The following RADIL variants were observed in gnomAD, a reference collection of about 807,000 sequenced individuals.
RADIL encodes Rap associating with DIL domain.
In RADIL, 99 loss-of-function variants were observed where a neutral mutation model predicts 97.6. The observed-to-expected ratio is 1.01, with a 90% CI of 0.86 to 1.20. The LOEUF is 1.20. Ranked by LOEUF, RADIL falls within the 50% of genes most tolerant of loss-of-function variation. RADIL has a pLI of 0.00. For synonymous variants in RADIL, 803 were observed against 691.8 expected, an observed-to-expected ratio of 1.16 and a Z score of -2.52; for missense variants, 1,765 against 1,498.9, an observed-to-expected ratio of 1.18 and a Z score of -2.93.
chr7:4,869,463 A>G (rs1012374074), intron 2 of RADIL, among the ~76,000 whole-genome samples: 1 of 152,002 alleles, frequency 6.6e-6, no homozygotes. Context: ...TCTTTATGAA[A>G]TCTTTCATTT....
chr7:4,860,503 T>G (rs1232396380), intron 2 of RADIL: 5 of 1,614,170 alleles, frequency 3.1e-6, no homozygotes, highest in Non-Finnish European at 3.4e-6. Flanking sequence ...TCACCCACAT[T>G]GTACGAAATT....
At chr7:4,804,399 C>G (rs558801145) in intron 10 of RADIL, among the ~76,000 whole-genome samples, 1 of 152,364 alleles carries the variant, frequency 6.6e-6, no homozygotes, top group Admixed American at 6.5e-5. Flanking sequence ...AAGGCCCCAT[C>G]GCCTCTGCGC....
intron 2 of RADIL, chr7:4,861,768 C>A (rs1418463069): frequency 6.7e-7 from 1 of 1,487,444 alleles, no homozygotes; most frequent in Admixed American, 2.5e-5. Flanking sequence ...GGCGGCGGCG[C>A]CGGCTGCGGT....
intron 2 of RADIL, among the ~76,000 whole-genome samples, chr7:4,870,055 G>A (rs968538512): frequency 1.1e-4 from 16 of 152,172 alleles, no homozygotes; most frequent in Admixed American, 2.0e-4. Flanking sequence ...TGGGAGGATC[G>A]CTTGGGCCCA....
chr7:4,881,968 C>T (rs1045333279), intron 1 of RADIL: 2 of 151,758 alleles, frequency 1.3e-5, no homozygotes, highest in Non-Finnish European at 2.9e-5. Context: ...CTGCTTTTCC[C>T]ACAGTTTCCG....
intron 9 of RADIL, among the ~76,000 whole-genome samples, chr7:4,812,292 T>A (rs1420304198): frequency 6.6e-6 from 1 of 152,242 alleles, no homozygotes; most frequent in Non-Finnish European, 1.5e-5. Context: ...TTGTCAAATT[T>A]ATCAGCAAAA....
chr7:4,830,497 T>TC (rs1783109172), intron 5 of RADIL, among the ~76,000 whole-genome samples: 1 of 152,086 alleles, frequency 6.6e-6, no homozygotes, highest in Non-Finnish European at 1.5e-5. Flanking sequence ...GCTGCGCCTT[T>TC]CCCTGAAGGA....
intron 2 of RADIL, among the ~76,000 whole-genome samples, chr7:4,843,676 C>T (rs1368534473): frequency 6.6e-6 from 1 of 152,134 alleles, no homozygotes; most frequent in South Asian, 2.1e-4. Flanking sequence ...CTTTGGGAGG[C>T]TGAGGCAGGT....
chr7:4,826,980 G>A (rs886482364), intron 5 of RADIL, among the ~76,000 whole-genome samples: 4 of 152,096 alleles, frequency 2.6e-5, no homozygotes, highest in Admixed American at 2.6e-4. Context: ...TTCCATGGAC[G>A]GGCATGGAAA....
At chr7:4,833,803 G>A (rs980373562) in intron 4 of RADIL, among the ~76,000 whole-genome samples, 5 of 151,568 alleles carry the variant, frequency 3.3e-5, no homozygotes, top group Non-Finnish European at 1.5e-5. Flanking sequence ...CCAGCGGGGG[G>A]CCATGACTGT....
At position 4,877,731 on chromosome 7, in the gene RADIL, T is replaced by C; in HGVS notation, c.409A>G (p.Ser137Gly). 1 of 1,614,046 alleles carries C rather than the reference T, an allele frequency of 6.2e-7. No homozygotes were observed. The highest frequency in any genetic ancestry group is 8.5e-7 in the Non-Finnish European group (1 of 1,180,034). Residue 137 changes from serine to glycine, a missense_variant, in exon 2 of 15, where the codon AGT becomes GGT. Coordinates refer to ENST00000399583, the MANE Select transcript of RADIL (RefSeq NM_018059.5). ...TCCTGGATCAAGAGGGGCTTCTCAC[T>C]GTCCCCAAACACCCGAAAGCACCGG... Reference protein sequence around the residue: ...QARCFRVFGDSEKPLLIQELW... With the variant: ...QARCFRVFGDGEKPLLIQELW...
At chr7:4,810,726 G>C (rs1562431436) in intron 9 of RADIL, among the ~76,000 whole-genome samples, 1 of 152,248 alleles carries the variant, frequency 6.6e-6, no homozygotes, top group South Asian at 2.1e-4. Context: ...GCTTTCCAAA[G>C]TGGCGAGCCT....
intron 5 of RADIL, among the ~76,000 whole-genome samples, chr7:4,823,614 C>T (rs914809315): frequency 6.6e-6 from 1 of 152,192 alleles, no homozygotes; most frequent in Non-Finnish European, 1.5e-5. Context: ...CTCAGTGCTC[C>T]CTTTTCAGGG....
At chr7:4,825,662 G>A (rs1010074620) in intron 5 of RADIL, among the ~76,000 whole-genome samples, 1 of 150,568 alleles carries the variant, frequency 6.6e-6, no homozygotes, top group Non-Finnish European at 1.5e-5. Flanking sequence ...AGATTACAAA[G>A]GTCAGGAGTT....
In RADIL at chr7:4,819,856, CG is replaced by C. The variant is rs1782781845; in HGVS notation, c.1616-2506del. Reference sequence around the variant, plus strand: ...ATCCCTGGGCCCTGGCTCCCATCGCCGGGCCAAACACTGCTCAGGCCCCTGA... The same window carrying C: ...ATCCCTGGGCCCTGGCTCCCATCGCCGGCCAAACACTGCTCAGGCCCCTGA... On this transcript the variant is annotated intron_variant, in intron 6 of 14. Coordinates refer to ENST00000399583, the MANE Select transcript of RADIL (RefSeq NM_018059.5). This position sits in a 1 kb window ranked among gnomAD's most constrained non-coding sequence, Gnocchi z 5.8. Among the ~76,000 whole-genome samples, 2 of 152,198 alleles carry C rather than the reference CG, an allele frequency of 1.3e-5. No individual in the cohort carries two copies. The highest frequency in any genetic ancestry group is 4.1e-4 in the South Asian group (2 of 4,832).
intron 2 of RADIL, among the ~76,000 whole-genome samples, chr7:4,841,357 T>C (rs966658843): frequency 3.3e-5 from 5 of 152,184 alleles, no homozygotes; most frequent in Non-Finnish European, 5.9e-5. Flanking sequence ...TGGAAGTTTC[T>C]AGAACAGCAG....
intron 10 of RADIL, among the ~76,000 whole-genome samples, chr7:4,804,400 G>A (rs1782224056): frequency 6.6e-6 from 1 of 152,250 alleles, no homozygotes; most frequent in Non-Finnish European, 1.5e-5. Context: ...AGGCCCCATC[G>A]CCTCTGCGCC....
At chr7:4,875,633 C>T (rs1784359209) in intron 2 of RADIL, among the ~76,000 whole-genome samples, 1 of 152,238 alleles carries the variant, frequency 6.6e-6, no homozygotes, top group Admixed American at 6.5e-5. Context: ...CCCTGTCCCA[C>T]TCGCTTTTTG....
intron 2 of RADIL, among the ~76,000 whole-genome samples, chr7:4,866,124 G>A (rs1784125107): frequency 6.6e-6 from 1 of 152,148 alleles, no homozygotes; most frequent in Non-Finnish European, 1.5e-5. Flanking sequence ...ATATCTGTGT[G>A]TGTGCGTGTG....
Sources: allele counts gnomAD v4.1 joint callset (sites outside exome capture counted in the v4.1 genomes callset), GRCh38; gene constraint gnomAD v4.1.1; non-coding constraint Gnocchi (gnomAD v3.1); transcripts MANE v1.5; gene names NCBI Gene and HGNC (gene_info 2026-07-23, HGNC 2026-07-21).